The following FYCO1 variants were observed in gnomAD, a reference collection of about 807,000 sequenced individuals.
FYCO1 encodes FYVE and coiled-coil domain autophagy adaptor 1, also known as FYVE and coiled-coil domain-containing protein 1.
A neutral mutation model predicts 165.1 loss-of-function variants in FYCO1; 122 were observed. The observed-to-expected ratio is 0.74, with a 90% confidence interval of 0.64 to 0.86. FYCO1 has a LOEUF of 0.86. FYCO1 is among the 40% of genes least tolerant of loss of function. The pLI, the probability that FYCO1 is intolerant of heterozygous loss-of-function variation, is 0.00. For missense variants in FYCO1, 1,702 were observed against 1,810.3 expected, an observed-to-expected ratio of 0.94 and a Z score of 1.09; for synonymous variants, 648 against 742.5, an observed-to-expected ratio of 0.87 and a Z score of 2.07.
Position 45,969,752 on chromosome 3 carries a change from T to A in FYCO1, c.553A>T (p.Thr185Ser). ...TTCCACAGGTAAGCAGAAGAGCCAG[T>A]GGTCAGCGTCCTCCTGTGGGGCCAC... ...WPTFARRTLT[T>S]GSSAYLWKPP... is the part of the protein sequence containing the mutation. The change falls in exon 7 of 18, where the codon ACT (threonine) becomes TCT (serine). Residue 185 changes from threonine (T) to serine (S), a missense_variant. Transcript: ENST00000296137. The A allele has an allele frequency of 6.2e-7, 1 of 1,613,770 alleles. No homozygotes were observed. Among genetic ancestry groups the A allele is most frequent in the South Asian group, 1.1e-5 (1 of 91,078 alleles).
At chr3:45,985,129 T>G in intron 1 of FYCO1, 107 bp from the exon 2 acceptor site, 1 of 645,386 alleles carries the variant, frequency 1.5e-6, no homozygotes, top group Non-Finnish European at 2.8e-6. Flanking sequence ...TCTGGGTGTA[T>G]TCCCTCAACA....
intron 1 of FYCO1, among the ~76,000 whole-genome samples, chr3:45,992,935 T>C (rs932145426): frequency 1.3e-5 from 2 of 152,212 alleles, no homozygotes; most frequent in Non-Finnish European, 2.9e-5. Flanking sequence ...AATGGTTTTC[T>C]TGGAATGCTT....
In FYCO1 at chr3:45,918,032, GGTGCTGGTATTTGAT is replaced by G. The variant is rs1395053532; in HGVS notation, c.*3718_*3732del. 2 of 152,592 alleles carry G rather than the reference GGTGCTGGTATTTGAT, an allele frequency of 1.3e-5. No homozygotes were observed. The highest frequency in any genetic ancestry group is 4.8e-5 in the African/African-American group (2 of 41,418). 9.5% of individuals were successfully genotyped at this position (152,592 alleles called of 1,614,324 possible). A position where few individuals can be genotyped will look rare whatever the true frequency, so the allele number is the denominator to read the frequency against. On this transcript the variant is annotated 3_prime_UTR_variant, in exon 18 of 18. Coordinates refer to ENST00000296137, the MANE Select transcript of FYCO1 (RefSeq NM_024513.4). The stretch of plus-strand genomic sequence containing the variant: ...TTTTCCACCCCCATTGAGCAGGTGG[GGTGCTGGTATTTGAT>G]GTGCTTCTAGATAATTCTTTGGCAG...
At chr3:45,972,814 A>C (rs1173652762) in intron 6 of FYCO1, among the ~76,000 whole-genome samples, 1 of 152,210 alleles carries the variant, frequency 6.6e-6, no homozygotes, top group Non-Finnish European at 1.5e-5. Context: ...CCGTAACAAC[A>C]AGTGCCTTAA....
chr3:45,931,346 T>A, intron 15 of FYCO1, 65 bp from the exon 16 acceptor site: 8 of 1,495,952 alleles, frequency 5.3e-6, no homozygotes, highest in Admixed American at 1.8e-5. Context: ...ACTGGCCAGG[T>A]CATCTGTGGC....
Position 45,946,338 on chromosome 3 carries a change from C to T in FYCO1, c.3944+8911G>A, listed in dbSNP as rs1704601334. 55 of 677,622 alleles carry T rather than the reference C, an allele frequency of 8.1e-5. 1 individual carries two copies. The South Asian group carries it at 9.7e-4, about 12-fold the overall frequency. 42.0% of individuals were successfully genotyped at this position (677,622 alleles called of 1,614,324 possible). ...AATATACTGGACTGTGCTGTTTCTA[C>T]ACATCCCAGTGGGTGGGTTTAGAAG... On this transcript the variant is annotated intron_variant, in intron 14 of 17. Transcript: ENST00000296137.
At chr3:45,981,825 T>C in intron 2 of FYCO1, 149 bp from the exon 3 acceptor site, 1 of 689,666 alleles carries the variant, frequency 1.4e-6, no homozygotes, top group East Asian at 2.7e-5. Flanking sequence ...CCATGAGATA[T>C]AACTCCAAGT....
intron 13 of FYCO1, among the ~76,000 whole-genome samples, chr3:45,957,764 G>C (rs1656857582): frequency 6.6e-6 from 1 of 152,240 alleles, no homozygotes; most frequent in African/African-American, 2.4e-5. Context: ...AGGCCAAGGA[G>C]GAGTTCACAG....
chr3:45,992,267 G>C (rs752374520), intron 1 of FYCO1, among the ~76,000 whole-genome samples: 1 of 152,180 alleles, frequency 6.6e-6, no homozygotes, highest in Non-Finnish European at 1.5e-5. Context: ...CCTGGGTTCT[G>C]TTGCACTTCT....
intron 16 of FYCO1, among the ~76,000 whole-genome samples, chr3:45,927,428 G>A (rs1402815002): frequency 1.8e-5 from 2 of 113,272 alleles, no homozygotes; most frequent in South Asian, 2.9e-4. Flanking sequence ...CGTGTGGATC[G>A]AAGGGAAATC....
At chr3:45,990,695 G>A (rs1707518203) in intron 1 of FYCO1, among the ~76,000 whole-genome samples, 1 of 152,118 alleles carries the variant, frequency 6.6e-6, no homozygotes, top group Non-Finnish European at 1.5e-5. Context: ...ATAGATCCTT[G>A]CCCCACCATA....
At chr3:45,960,306 C>T (rs1391992198) in intron 11 of FYCO1, among the ~76,000 whole-genome samples, 3 of 152,138 alleles carry the variant, frequency 2.0e-5, no homozygotes, top group Admixed American at 6.5e-5. Flanking sequence ...CCTCAGCCAC[C>T]GGTAATGTGA....
intron 1 of FYCO1, among the ~76,000 whole-genome samples, chr3:45,990,136 T>C (rs1038519850): frequency 1.3e-5 from 2 of 152,344 alleles, no homozygotes; most frequent in African/African-American, 4.8e-5. Flanking sequence ...CAGCTAGTTA[T>C]GAACTAAGAA....
chr3:45,938,182 C>T (rs1177908385), intron 14 of FYCO1: 1 of 1,285,938 alleles, frequency 7.8e-7, no homozygotes, highest in Admixed American at 2.3e-5. Context: ...TGATGACAGA[C>T]AACGCCTGAT....
chr3:45,950,405 G>A (rs543411010), intron 14 of FYCO1, among the ~76,000 whole-genome samples: 3 of 152,250 alleles, frequency 2.0e-5, no homozygotes, highest in Admixed American at 6.5e-5. Flanking sequence ...GACTCTAGGG[G>A]CTACCTGGGT....
chr3:45,970,419 C>T lies in FYCO1; in HGVS notation c.540-654G>A, dbSNP rs886590738. Reference sequence around the variant, plus strand: ...CAGCAACTGCCCTTCACAGTATCTTCCCTGAAGACAGTCACATATGTACAT... The same window carrying T: ...CAGCAACTGCCCTTCACAGTATCTTTCCTGAAGACAGTCACATATGTACAT... On this transcript the variant is annotated intron_variant, in intron 6 of 17. Coordinates refer to ENST00000296137, the MANE Select transcript of FYCO1 (RefSeq NM_024513.4). Among the ~76,000 whole-genome samples the T allele has an allele frequency of 3.3e-5, 5 of 152,248 alleles. No individual in the cohort carries two copies. In the South Asian group the frequency reaches 1.0e-3, roughly 32 times the overall value.
chr3:45,987,720 A>G (rs981361895), intron 1 of FYCO1, among the ~76,000 whole-genome samples: 2 of 152,178 alleles, frequency 1.3e-5, no homozygotes, highest in Non-Finnish European at 2.9e-5. Context: ...ACTTCTGACC[A>G]TGTCTGTGGA....
At chr3:45,924,191 A>C (rs775497192) in intron 16 of FYCO1, among the ~76,000 whole-genome samples, 2 of 152,028 alleles carry the variant, frequency 1.3e-5, no homozygotes, top group Non-Finnish European at 2.9e-5. Context: ...TCCAGATAAC[A>C]ATCTTCCAGG....
intron 14 of FYCO1, chr3:45,945,053 T>C (rs1559447994): frequency 6.6e-6 from 1 of 152,146 alleles, no homozygotes; most frequent in Non-Finnish European, 1.5e-5. Flanking sequence ...AAAGGCAGCA[T>C]CCTTCCTTGC....
Sources: gnomAD v4.1 joint callset for allele counts (sites outside exome capture counted in the v4.1 genomes callset) on GRCh38, gnomAD v4.1.1 for gene constraint, MANE v1.5 for transcripts, NCBI Gene and HGNC (gene_info 2026-07-23, HGNC 2026-07-21) for gene names.